The following RNF17 variants were observed in gnomAD, a reference collection of about 807,000 sequenced individuals.
The protein encoded by RNF17 is ring finger protein 17, also known as spermatogenesis associated 23.
Under a neutral mutation model 200.5 loss-of-function variants are expected in RNF17, and 31 were observed. The ratio of observed to expected loss-of-function variants is 0.15; its 90% CI spans 0.12 to 0.21. The LOEUF is 0.21. Ranked by LOEUF, RNF17 falls within the 10% of genes least tolerant of loss-of-function variation. The probability of loss-of-function intolerance (pLI) is 1.00; values close to 1 mark genes in which losing one functional copy is unlikely to be tolerated. For synonymous variants in RNF17, 606 were observed against 637.8 expected (o/e 0.95, Z 0.75); for missense variants, 1,628 against 1,905.1 (o/e 0.85, Z 2.71).
chr13:24,757,853 T>G, the RNF17 span, among the ~76,000 whole-genome samples: 1 of 152,222 alleles, frequency 6.6e-6, no homozygotes, highest in Non-Finnish European at 1.5e-5. Flanking sequence ...TGGTTTTGAT[T>G]GGTGTCCCCA....
At chr13:24,762,696 A>G (rs762402240), upstream of RNF17, among the ~76,000 whole-genome samples, 5 of 152,200 alleles carry the variant, frequency 3.3e-5, no homozygotes, top group Non-Finnish European at 5.9e-5. Context: ...TAGAGAGAAA[A>G]GAAAATGAGG....
chr13:24,850,746 T>G (rs927719638), intron 23 of RNF17, among the ~76,000 whole-genome samples: 3 of 152,230 alleles, frequency 2.0e-5, no homozygotes, highest in African/African-American at 7.2e-5. Context: ...AATATATGTT[T>G]TGTAGTTCTT....
intron 1 of RNF17, among the ~76,000 whole-genome samples, chr13:24,764,888 G>GGTGTGGGGGTGTGTGT: frequency 7.5e-6 from 1 of 134,174 alleles, no homozygotes; most frequent in East Asian, 2.0e-4. Context: ...CACCTTGTGG[G>GGTGTGGGGGTGTGTGT]GTGTGTGTGT....
intron 14 of RNF17, among the ~76,000 whole-genome samples, chr13:24,804,076 A>G (rs773771326): frequency 6.6e-6 from 1 of 152,114 alleles, no homozygotes; most frequent in Non-Finnish European, 1.5e-5. Flanking sequence ...TTCAGGGTCA[A>G]CCTGGGCAAT....
At chr13:24,857,286 A>G (rs768314092) in intron 25 of RNF17, among the ~76,000 whole-genome samples, 1 of 152,128 alleles carries the variant, frequency 6.6e-6, no homozygotes, top group Admixed American at 6.6e-5. Flanking sequence ...ATCCTTGAGA[A>G]TATAAAAATC....
the RNF17 span, among the ~76,000 whole-genome samples, chr13:24,753,179 A>G: frequency 6.6e-6 from 1 of 152,224 alleles, no homozygotes; most frequent in South Asian, 2.1e-4. Flanking sequence ...GGTTCTGGCA[A>G]AATAGAACTT....
intron 30 of RNF17, among the ~76,000 whole-genome samples, chr13:24,866,873 A>G (rs1726322953): frequency 6.6e-6 from 1 of 152,176 alleles, no homozygotes; most frequent in Admixed American, 6.5e-5. Flanking sequence ...ATCATTTTAC[A>G]TGTATGTCAG....
At chr13:24,866,351 A>C (rs1212502592) in intron 30 of RNF17, 148 bp downstream of exon 30, 2 of 490,526 alleles carry the variant, frequency 4.1e-6, no homozygotes, top group Non-Finnish European at 7.2e-6. Flanking sequence ...AGTGTTGTTT[A>C]ATATCGTTCA....
At chr13:24,806,010 T>TA (rs1885808964) in intron 15 of RNF17, among the ~76,000 whole-genome samples, 1 of 152,096 alleles carries the variant, frequency 6.6e-6, no homozygotes, top group Non-Finnish European at 1.5e-5. Context: ...CTACATTAGG[T>TA]ATTTCTCCTA....
rs770634407 is a variant in RNF17, at chr13:24,851,575, T to G, written c.3320+4T>G. The G allele has an allele frequency of 6.3e-7, 1 of 1,583,428 alleles. No homozygotes were observed. Among genetic ancestry groups the G allele is most frequent in the Non-Finnish European group, 8.6e-7 (1 of 1,163,360 alleles). ...GTTTGGCTTTGAGAGAAAGGAGGTA[T>G]AGACTTTTTTAAAAAATTTTGACAT... On this transcript the variant is annotated splice_donor_region_variant and intron_variant, in intron 24 of 35. Transcript: ENST00000255324.
At chr13:24,819,929 G>A (rs756032010) in intron 15 of RNF17, among the ~76,000 whole-genome samples, 1 of 151,974 alleles carries the variant, frequency 6.6e-6, no homozygotes, top group Non-Finnish European at 1.5e-5. Context: ...CAGATCTAGT[G>A]GTAATAGAGT....
chr13:24,775,526 C>T (rs1881436581), intron 3 of RNF17, among the ~76,000 whole-genome samples: 1 of 152,186 alleles, frequency 6.6e-6, no homozygotes, highest in South Asian at 2.1e-4. Flanking sequence ...GCTGGAATTA[C>T]AGCCGTGAGC....
At chr13:24,870,849 A>G (rs964540077) in intron 32 of RNF17, 110 bp downstream of exon 32, 1 of 722,712 alleles carries the variant, frequency 1.4e-6, no homozygotes. Context: ...CCTCATATTC[A>G]CTTTACATGC....
In RNF17 at chr13:24,825,786, T is replaced by G. The variant is rs1888560175; in HGVS notation, c.2245+14T>G. The G allele has an allele frequency of 6.2e-7, 1 of 1,608,946 alleles. No individual in the cohort carries two copies. The highest frequency in any genetic ancestry group is 8.5e-7 in the Non-Finnish European group (1 of 1,177,370). On this transcript the variant is annotated intron_variant, in intron 16 of 35. Transcript: ENST00000255324. ...CAAAAGTTATCGGTAGGAGAATGCA[T>G]GCTGTTTCTACAGGGAGATGTCATA...
At chr13:24,772,777 A>G (rs1880966766) in intron 2 of RNF17, among the ~76,000 whole-genome samples, 1 of 151,884 alleles carries the variant, frequency 6.6e-6, no homozygotes, top group Middle Eastern at 3.4e-3. Flanking sequence ...CGCCCAGCTA[A>G]TTTTTTGTAT....
At chr13:24,778,507 G>T in intron 4 of RNF17, 101 bp downstream of exon 4, 1 of 797,676 alleles carries the variant, frequency 1.3e-6, no homozygotes. Context: ...TCTTTTGGAA[G>T]TTTATACGTA....
intron 14 of RNF17, among the ~76,000 whole-genome samples, chr13:24,803,408 C>T (rs1211078071): frequency 1.3e-5 from 2 of 152,212 alleles, no homozygotes; most frequent in African/African-American, 2.4e-5. Flanking sequence ...TGGTGATTCT[C>T]ATGTCTCAGC....
intron 15 of RNF17, among the ~76,000 whole-genome samples, chr13:24,820,512 G>A (rs1053644384): frequency 6.6e-5 from 10 of 150,680 alleles, no homozygotes; most frequent in African/African-American, 2.2e-4. Flanking sequence ...CTTGGCTCAC[G>A]GCAACCTCTG....
At chr13:24,773,145 A>G (rs1881030193) in intron 2 of RNF17, among the ~76,000 whole-genome samples, 1 of 152,234 alleles carries the variant, frequency 6.6e-6, no homozygotes, top group Admixed American at 6.5e-5. Context: ...CAGTTTGGCG[A>G]TTTCTGAAAG....
Sources: gnomAD v4.1 joint callset for allele counts (sites outside exome capture counted in the v4.1 genomes callset) on GRCh38, gnomAD v4.1.1 for gene constraint, MANE v1.5 for transcripts, NCBI Gene and HGNC (gene_info 2026-07-23, HGNC 2026-07-21) for gene names.